The following NCOA1 variants were observed in gnomAD, a reference collection of about 807,000 sequenced individuals.
NCOA1 encodes nuclear receptor coactivator 1.
Under a neutral mutation model 150.9 loss-of-function variants are expected in NCOA1, and 35 were observed. The observed-to-expected ratio is 0.23, with a 90% CI of 0.18 to 0.31. The LOEUF is 0.31. NCOA1 is among the 10% of genes least tolerant of loss of function. The probability of loss-of-function intolerance (pLI) is 1.00; values close to 1 mark genes in which losing one functional copy is unlikely to be tolerated. For synonymous variants in NCOA1, 590 were observed against 630.0 expected, an observed-to-expected ratio of 0.94 and a Z score of 0.95; for missense variants, 1,491 against 1,749.3, an observed-to-expected ratio of 0.85 and a Z score of 2.63.
intron 3 of NCOA1, among the ~76,000 whole-genome samples, chr2:24,599,229 A>G (rs188077341): frequency 6.6e-6 from 1 of 152,214 alleles, no homozygotes; most frequent in Admixed American, 6.5e-5. Flanking sequence ...TGTGACTCAG[A>G]TATTCTGTGG....
At chr2:24,524,688 A>T (rs1005148289) in intron 1 of NCOA1, among the ~76,000 whole-genome samples, 1 of 146,296 alleles carries the variant, frequency 6.8e-6, no homozygotes, top group Admixed American at 6.9e-5. Context: ...GCTCACTGCA[A>T]CCTCCACCTC....
chr2:24,649,152 A>G (rs571270406), intron 4 of NCOA1, among the ~76,000 whole-genome samples: 1 of 152,134 alleles, frequency 6.6e-6, no homozygotes, highest in Non-Finnish European at 1.5e-5. Context: ...CCACACTTGA[A>G]TTCCTGGCTC....
At chr2:24,694,816 A>T (rs1363416829) in intron 10 of NCOA1, among the ~76,000 whole-genome samples, 1 of 151,996 alleles carries the variant, frequency 6.6e-6, no homozygotes, top group Non-Finnish European at 1.5e-5. Context: ...ATTTATTTAA[A>T]TTTTTTTAAA....
chr2:24,566,099 T>C (rs1666494962), intron 2 of NCOA1, among the ~76,000 whole-genome samples: 1 of 152,202 alleles, frequency 6.6e-6, no homozygotes, highest in South Asian at 2.1e-4. Context: ...ATTTGATATG[T>C]CCCGAGTTCT....
intron 4 of NCOA1, among the ~76,000 whole-genome samples, chr2:24,649,459 T>C (rs936471378): frequency 6.6e-6 from 1 of 152,248 alleles, no homozygotes; most frequent in Non-Finnish European, 1.5e-5. Context: ...TTGGAAGACA[T>C]GTGCAGTATA....
intron 1 of NCOA1, among the ~76,000 whole-genome samples, chr2:24,506,738 G>A (rs1663713573): frequency 6.6e-6 from 1 of 152,102 alleles, no homozygotes; most frequent in East Asian, 1.9e-4. Flanking sequence ...CACATACTCT[G>A]CTGCCTGATT....
chr2:24,575,832 C>T (rs1666931270), intron 2 of NCOA1, among the ~76,000 whole-genome samples: 1 of 152,136 alleles, frequency 6.6e-6, no homozygotes, highest in Middle Eastern at 3.2e-3. Flanking sequence ...CTGGGCCTCC[C>T]AAAGTGCTGG....
chr2:24,542,583 C>T (rs961114080), intron 1 of NCOA1, among the ~76,000 whole-genome samples: 1 of 152,088 alleles, frequency 6.6e-6, no homozygotes, highest in Non-Finnish European at 1.5e-5. Flanking sequence ...GTACTGAGGA[C>T]TAGTGAAAAC....
At chr2:24,547,244 C>T (rs1310276019) in intron 1 of NCOA1, among the ~76,000 whole-genome samples, 2 of 152,084 alleles carry the variant, frequency 1.3e-5, no homozygotes, top group South Asian at 2.1e-4. Context: ...GGTTATAAAT[C>T]TCAAATTAAA....
At chr2:24,643,588 A>G (rs1331264095) in intron 3 of NCOA1, among the ~76,000 whole-genome samples, 1 of 152,236 alleles carries the variant, frequency 6.6e-6, no homozygotes, top group Non-Finnish European at 1.5e-5. Context: ...GGAGTATTAC[A>G]TAAGTAAATA....
intron 17 of NCOA1, among the ~76,000 whole-genome samples, chr2:24,734,408 A>G (rs974824591): frequency 9.2e-5 from 14 of 152,184 alleles, no homozygotes; most frequent in Non-Finnish European, 1.6e-4. Context: ...ATAGATGCTA[A>G]ATTTGTTTTA....
intron 14 of NCOA1, among the ~76,000 whole-genome samples, chr2:24,715,767 CATGG>C (rs1182061890): frequency 6.6e-6 from 1 of 152,170 alleles, no homozygotes; most frequent in Non-Finnish European, 1.5e-5. Flanking sequence ...ATACCATTTT[CATGG>C]ATTGTAAGAC....
At chr2:24,582,755 G>C (rs1241999635) in intron 2 of NCOA1, among the ~76,000 whole-genome samples, 1 of 152,106 alleles carries the variant, frequency 6.6e-6, no homozygotes, top group Non-Finnish European at 1.5e-5. Flanking sequence ...CATAAAAACA[G>C]ACACATAGAC....
At chr2:24,643,215 TA>T in intron 3 of NCOA1, among the ~76,000 whole-genome samples, 1 of 152,332 alleles carries the variant, frequency 6.6e-6, no homozygotes, top group East Asian at 1.9e-4. Flanking sequence ...CTCAAGCCAA[TA>T]AGACTGTGGT....
chr2:24,716,681 G>A (rs1386096822), intron 14 of NCOA1, among the ~76,000 whole-genome samples: 3 of 152,136 alleles, frequency 2.0e-5, no homozygotes, highest in Non-Finnish European at 4.4e-5. Flanking sequence ...GAAAAAGATT[G>A]ATACATTAGA....
intron 1 of NCOA1, among the ~76,000 whole-genome samples, chr2:24,499,371 A>G (rs1318610937): frequency 6.6e-6 from 1 of 152,198 alleles, no homozygotes; most frequent in African/African-American, 2.4e-5. Flanking sequence ...AAATATATAG[A>G]TGAATTTTGG....
At chr2:24,608,704 G>GTTTTTTTTTTTTTT (rs56710627) in intron 3 of NCOA1, among the ~76,000 whole-genome samples, 3 of 117,336 alleles carry the variant, frequency 2.6e-5, no homozygotes, top group African/African-American at 6.6e-5. Context: ...TTGTTGTTGT[G>GTTTTTTTTTTTTTT]TTTTTTTTTT....
At chr2:24,569,725 C>T (rs1666661658) in intron 2 of NCOA1, among the ~76,000 whole-genome samples, 2 of 151,016 alleles carry the variant, frequency 1.3e-5, no homozygotes, top group Admixed American at 1.3e-4. Flanking sequence ...CAAAAATTAG[C>T]TGGGTGCAGT....
At chr2:24,661,382 T>C (rs1671177028) in intron 5 of NCOA1, among the ~76,000 whole-genome samples, 1 of 152,216 alleles carries the variant, frequency 6.6e-6, no homozygotes, top group Admixed American at 6.5e-5. Context: ...TTTTTGTTTC[T>C]AAGACTTACT....
Sources: gnomAD v4.1 joint callset for allele counts (sites outside exome capture counted in the v4.1 genomes callset) on GRCh38, gnomAD v4.1.1 for gene constraint, MANE v1.5 for transcripts, NCBI Gene and HGNC (gene_info 2026-07-23, HGNC 2026-07-21) for gene names.